Variants in USH2A observed in about 807,000 individuals in gnomAD.
USH2A encodes Usher syndrome 2A (autosomal recessive, mild).
In USH2A, 443 loss-of-function variants were observed where a neutral mutation model predicts 538.9. The observed-to-expected ratio is 0.82, with a 90% confidence interval of 0.76 to 0.89. The LOEUF is 0.89. USH2A is among the 40% of genes least tolerant of loss of function. USH2A has a pLI of 0.00. For missense variants in USH2A, 6,633 were observed against 6,324.8 expected (o/e 1.05, Z -1.65); for synonymous variants, 2,413 against 2,273.5 (o/e 1.06, Z -1.75).
chr1:215,898,406 A>C (rs547818506), intron 40 of USH2A, among the ~76,000 whole-genome samples: 1 of 152,160 alleles, frequency 6.6e-6, no homozygotes, highest in Non-Finnish European at 1.5e-5. Flanking sequence ...AAGTTTGCTC[A>C]ACAAAGGATG....
intron 36 of USH2A, among the ~76,000 whole-genome samples, chr1:215,968,598 T>G (rs1222586044): frequency 1.3e-5 from 2 of 152,188 alleles, no homozygotes; most frequent in Non-Finnish European, 2.9e-5. Context: ...TTTGGGACTG[T>G]GAAGCATATT....
intron 21 of USH2A, among the ~76,000 whole-genome samples, chr1:216,156,607 C>T (rs530654140): frequency 7.7e-4 from 117 of 152,198 alleles, no homozygotes; most frequent in Non-Finnish European, 1.4e-3. Context: ...TGCTTCCTTT[C>T]AGTTATTACC....
chr1:216,369,732 GAAACCCCGTCTGTACTTA>G (rs966054903), intron 3 of USH2A, among the ~76,000 whole-genome samples: 1 of 151,786 alleles, frequency 6.6e-6, no homozygotes, highest in Non-Finnish European at 1.5e-5. Flanking sequence ...CCAACATAGT[GAAACCCCGTCTGTACTTA>G]AAAAATATAT....
chr1:216,135,884 T>C (rs1349856250), intron 21 of USH2A, among the ~76,000 whole-genome samples: 1 of 152,118 alleles, frequency 6.6e-6, no homozygotes, highest in Non-Finnish European at 1.5e-5. Context: ...GCTTGGATAT[T>C]GAACAATGAG....
At chr1:215,847,013 C>A (rs1273175000) in intron 44 of USH2A, among the ~76,000 whole-genome samples, 9 of 152,122 alleles carry the variant, frequency 5.9e-5, no homozygotes, top group Non-Finnish European at 1.2e-4. Flanking sequence ...TGTAGAGAAG[C>A]CTTTAAAAGA....
chr1:215,962,094 T>C (rs1054646066), intron 37 of USH2A, among the ~76,000 whole-genome samples: 3 of 152,058 alleles, frequency 2.0e-5, no homozygotes, highest in Non-Finnish European at 4.4e-5. Flanking sequence ...TCCTAATAAC[T>C]ACTCAAGATA....
intron 67 of USH2A, among the ~76,000 whole-genome samples, chr1:215,643,324 C>A (rs1417986819): frequency 1.3e-5 from 2 of 152,092 alleles, no homozygotes; most frequent in Non-Finnish European, 2.9e-5. Flanking sequence ...TTTGTATTCT[C>A]TGGTGCATGT....
intron 71 of USH2A, 70 bp from the exon 72 acceptor site, chr1:215,625,940 A>C (rs1265697778): frequency 1.4e-6 from 2 of 1,435,754 alleles, no homozygotes; most frequent in Admixed American, 3.4e-5. Flanking sequence ...ATTTATAGTT[A>C]TATCAATTAA....
At chr1:216,174,678 T>A in intron 21 of USH2A, 1 of 986,742 alleles carries the variant, frequency 1.0e-6, no homozygotes. Flanking sequence ...AGAGAAGTTA[T>A]CTTTTCCCTG....
Position 215,729,172 on chromosome 1 carries a change from T to C in USH2A, c.11712-788A>G, listed in dbSNP as rs1977847. Among the ~76,000 whole-genome samples the C allele has an allele frequency of 7.5e-3, 1,147 of 152,254 alleles. 22 individuals are homozygous for C. Among genetic ancestry groups the C allele is most frequent in the African/African-American group, 0.026 (1,077 of 41,538 alleles). The stretch of plus-strand genomic sequence containing the variant: ...GATCCTTTTGCTGCTCTTAGGACCA[T>C]AAAATTACTGTGTGAAAAAGCCCAG... On this transcript the variant is annotated intron_variant, in intron 60 of 71. Transcript: ENST00000307340.
chr1:215,812,611 C>A, intron 49 of USH2A, among the ~76,000 whole-genome samples: 1 of 152,172 alleles, frequency 6.6e-6, no homozygotes, highest in East Asian at 1.9e-4. Context: ...AAGTATTCAG[C>A]TTTCCTATGG....
intron 61 of USH2A, among the ~76,000 whole-genome samples, chr1:215,699,499 C>T (rs976013020): frequency 6.6e-6 from 1 of 152,134 alleles, no homozygotes; most frequent in African/African-American, 2.4e-5. Flanking sequence ...CTTCCTTGTG[C>T]AGTGGTTTGT....
rs761590735 is a variant in USH2A, at chr1:215,728,363, C to A, written c.11733G>T (p.Glu3911Asp). 7 of 1,614,038 alleles carry A rather than the reference C, an allele frequency of 4.3e-6. No homozygotes were observed. The African/African-American group carries it at 9.3e-5, about 22-fold the overall frequency. Residue 3911 changes from glutamate to aspartate, a missense_variant, in exon 61 of 72, where the codon GAG becomes GAT. Physicochemically the swap from Glu to Asp is conservative, Grantham distance 45. Transcript: ENST00000307340. ...FIYRRPAGIE[E>D]ESVLFVWSEG... ...CTGACCAGACAAATAAAACAGACTC[C>A]TCTTCAATGCCAGCAGGGCGTCTGA... is the stretch of plus-strand genomic sequence containing the variant.
At chr1:215,872,190 A>G (rs1337140335) in intron 43 of USH2A, among the ~76,000 whole-genome samples, 1 of 152,210 alleles carries the variant, frequency 6.6e-6, no homozygotes, top group Non-Finnish European at 1.5e-5. Context: ...TTTTCCTTAC[A>G]TCTTCAAATC....
intron 61 of USH2A, among the ~76,000 whole-genome samples, chr1:215,696,194 G>A (rs1423323217): frequency 6.6e-6 from 1 of 152,120 alleles, no homozygotes; most frequent in Admixed American, 6.5e-5. Context: ...AAGCAAGCTA[G>A]AGAAAAAGTT....
intron 47 of USH2A, among the ~76,000 whole-genome samples, chr1:215,817,421 C>T (rs1662889786): frequency 6.6e-6 from 1 of 151,830 alleles, no homozygotes; most frequent in South Asian, 2.1e-4. Flanking sequence ...AGACAAGAAG[C>T]AAGTGTCACT....
intron 30 of USH2A, among the ~76,000 whole-genome samples, chr1:216,049,429 CTTAT>C (rs1364345115): frequency 2.0e-5 from 3 of 152,130 alleles, no homozygotes; most frequent in Admixed American, 6.5e-5. Flanking sequence ...GCAGAGACTC[CTTAT>C]TTAGTTAATC....
At chr1:216,184,870 A>G (rs574415435) in intron 20 of USH2A, among the ~76,000 whole-genome samples, 14 of 152,052 alleles carry the variant, frequency 9.2e-5, no homozygotes, top group African/African-American at 3.1e-4. Context: ...CAGAAAGAAA[A>G]TTTAATGCAC....
Position 216,083,615 on chromosome 1 carries a change from G to C in USH2A, c.5168-29C>G, listed in dbSNP as rs1213860697. ...TAAAGATAAAAATATGTACATATTA[G>C]CATGTGTAACACAATATTGCCAGCA... On this transcript the variant is annotated intron_variant, in intron 25 of 71. Coordinates refer to ENST00000307340, the MANE Select transcript of USH2A (RefSeq NM_206933.4). The C allele has an allele frequency of 1.4e-5, 22 of 1,607,444 alleles. No individual in the cohort carries two copies. In the Admixed American group the frequency reaches 2.7e-4, roughly 20 times the overall value.
Sources: allele counts gnomAD v4.1 joint callset (sites outside exome capture counted in the v4.1 genomes callset), GRCh38; gene constraint gnomAD v4.1.1; transcripts MANE v1.5; gene names NCBI Gene and HGNC (gene_info 2026-07-23, HGNC 2026-07-21).